The following TMTC1 variants were observed in gnomAD, a reference collection of about 807,000 sequenced individuals.
The protein encoded by TMTC1 is transmembrane O-mannosyltransferase targeting cadherins 1, also known as protein O-mannosyl-transferase TMTC1.
In TMTC1, 73 loss-of-function variants were observed where a neutral mutation model predicts 104.8. The observed-to-expected ratio is 0.70, with a 90% CI of 0.58 to 0.85. The LOEUF (loss-of-function observed/expected upper bound fraction) is 0.85, where lower values mean the gene tolerates loss of function less well. TMTC1 is among the 40% of genes least tolerant of loss of function. The probability of loss-of-function intolerance (pLI) is 0.00; values close to 1 mark genes in which losing one functional copy is unlikely to be tolerated. For synonymous variants in TMTC1, 434 were observed against 428.7 expected (o/e 1.01, Z -0.15); for missense variants, 1,035 against 1,096.1 (o/e 0.94, Z 0.79).
intron 4 of TMTC1, among the ~76,000 whole-genome samples, chr12:29,752,076 C>T (rs1264924075): frequency 6.6e-6 from 1 of 151,842 alleles, no homozygotes; most frequent in Non-Finnish European, 1.5e-5. Flanking sequence ...TAGACCTTAT[C>T]GTATTGACCT....
intron 5 of TMTC1, among the ~76,000 whole-genome samples, chr12:29,668,166 C>G (rs954683577): frequency 6.6e-6 from 1 of 152,224 alleles, no homozygotes; most frequent in Non-Finnish European, 1.5e-5. Context: ...ATACCACAGA[C>G]TGAGTAACTT....
chr12:29,695,793 TTATATA>T lies in TMTC1; in HGVS notation c.938+55867_938+55872del, dbSNP rs113135039. Among the ~76,000 whole-genome samples, 162 of 83,802 alleles carry T rather than the reference TTATATA, an allele frequency of 1.9e-3. 5 individuals are homozygous for T. Among genetic ancestry groups the T allele is most frequent in the South Asian group, 3.4e-3 (9 of 2,646 alleles). The allele number at this position is 83,802 out of a possible 152,430, so 55.0% of individuals were successfully genotyped here. ...TCACAAATTTTAAACTACTTCCTTT[TTATATA>T]TATATATATATATATATATATATAT... On this transcript the variant is annotated intron_variant, in intron 5 of 17. Transcript: ENST00000539277.
chr12:29,700,684 C>T (rs1474452062), intron 5 of TMTC1, among the ~76,000 whole-genome samples: 1 of 152,104 alleles, frequency 6.6e-6, no homozygotes, highest in African/African-American at 2.4e-5. Flanking sequence ...TCAAAAAGTG[C>T]TCACTAAATT....
intron 4 of TMTC1, among the ~76,000 whole-genome samples, chr12:29,752,175 C>T (rs1943108913): frequency 6.6e-6 from 1 of 151,826 alleles, no homozygotes; most frequent in South Asian, 2.1e-4. Context: ...CTTCACCCCT[C>T]ACCCTCCAAA....
chr12:29,740,454 TG>T (rs1329235906), intron 5 of TMTC1, among the ~76,000 whole-genome samples: 1 of 152,198 alleles, frequency 6.6e-6, no homozygotes, highest in Non-Finnish European at 1.5e-5. Flanking sequence ...TCTCCCATGC[TG>T]GATGCTTCCT....
chr12:29,716,544 A>G (rs917592066), intron 5 of TMTC1, among the ~76,000 whole-genome samples: 1 of 152,166 alleles, frequency 6.6e-6, no homozygotes, highest in African/African-American at 2.4e-5. Context: ...TTTAATATTT[A>G]GAGCCTAAGG....
chr12:29,712,857 C>T (rs571594570), intron 5 of TMTC1, among the ~76,000 whole-genome samples: 2 of 152,272 alleles, frequency 1.3e-5, no homozygotes, highest in South Asian at 2.1e-4. Flanking sequence ...ATCTACTGGT[C>T]TACCTTCAAC....
intron 10 of TMTC1, among the ~76,000 whole-genome samples, chr12:29,549,134 A>G (rs1047680985): frequency 6.6e-6 from 1 of 150,762 alleles, no homozygotes; most frequent in Admixed American, 6.7e-5. Flanking sequence ...AATAACCCAT[A>G]CCTGTAAACA....
In TMTC1 at chr12:29,592,940, G is replaced by A. The variant is rs1006932682; in HGVS notation, c.1251-9366C>T. ...ACATGTCAAAACCAGGTTACCGTAAGTATAGTAACTTCCTAAGGCCCAGAG... is the reference window on the plus strand; with the variant it reads ...ACATGTCAAAACCAGGTTACCGTAAATATAGTAACTTCCTAAGGCCCAGAG... On this transcript the variant is annotated intron_variant, in intron 7 of 17. Transcript: ENST00000539277. Among the ~76,000 whole-genome samples, 5 of 152,326 alleles carry A rather than the reference G, an allele frequency of 3.3e-5. No homozygotes were observed. The South Asian group carries it at 1.0e-3, about 32-fold the overall frequency.
rs536634441 is a variant in TMTC1 at position 29,551,974 on chromosome 12, A to T, written c.1676+4883T>A. On this transcript the variant is annotated intron_variant, in intron 10 of 17. Coordinates refer to ENST00000539277, the MANE Select transcript of TMTC1 (RefSeq NM_001193451.2). ...CATAAAAGGGGCCAGATATATTTGGATAACACTCAGTGAAGTCTGCTGCTA... is the reference window on the plus strand; with the variant it reads ...CATAAAAGGGGCCAGATATATTTGGTTAACACTCAGTGAAGTCTGCTGCTA... 3.3e-5 allele frequency among the ~76,000 whole-genome samples: 5 copies of T among 152,322 alleles called. No individual in the cohort carries two copies. In the South Asian group the frequency reaches 1.0e-3, roughly 32 times the overall value.
chr12:29,696,694 G>A (rs144411038), intron 5 of TMTC1, among the ~76,000 whole-genome samples: 1 of 152,192 alleles, frequency 6.6e-6, no homozygotes, highest in African/African-American at 2.4e-5. Context: ...TGTTTTCCTA[G>A]GACCATTAAC....
At chr12:29,634,587 C>A (rs1938459703) in intron 5 of TMTC1, among the ~76,000 whole-genome samples, 1 of 152,232 alleles carries the variant, frequency 6.6e-6, no homozygotes, top group African/African-American at 2.4e-5. Context: ...TCGGTGTTCA[C>A]TGCTTCAGCT....
At chr12:29,529,845 C>T (rs1281980436) in intron 11 of TMTC1, 1 of 152,142 alleles carries the variant, frequency 6.6e-6, no homozygotes, top group Non-Finnish European at 1.5e-5. Flanking sequence ...TTTCCTAATC[C>T]TAGATTTTCT....
intron 11 of TMTC1, among the ~76,000 whole-genome samples, chr12:29,527,631 G>A (rs1343178747): frequency 6.6e-6 from 1 of 152,228 alleles, no homozygotes; most frequent in Admixed American, 6.5e-5. Flanking sequence ...GTTAGAAGGT[G>A]TTTTTCCTGA....
In TMTC1 at chr12:29,692,556, G is replaced by A. The variant is rs559359132; in HGVS notation, c.938+59110C>T. The stretch of plus-strand genomic sequence containing the variant: ...CCTTTATACATTACTGGTAGGATAT[G>A]TCAACTGGTACAAGCAGTTTGGAAG... On this transcript the variant is annotated intron_variant, in intron 5 of 17. Coordinates refer to ENST00000539277, the MANE Select transcript of TMTC1 (RefSeq NM_001193451.2). 9.1e-4 allele frequency among the ~76,000 whole-genome samples: 133 copies of A among 145,430 alleles called. 15 individuals carry two copies. Among genetic ancestry groups the A allele is most frequent in the African/African-American group, 3.2e-3 (129 of 39,832 alleles).
At position 29,660,060 on chromosome 12, in the gene TMTC1, A is replaced by C; in HGVS notation, c.939-26724T>G. 1.5e-5 allele frequency: 17 copies of C among 1,156,338 alleles called. No homozygotes were observed. In the South Asian group the frequency reaches 2.3e-4, roughly 16 times the overall value. The allele number at this position is 1,156,338 out of a possible 1,614,324, so 71.6% of individuals were successfully genotyped here. A position where few individuals can be genotyped will look rare whatever the true frequency, so the allele number is the denominator to read the frequency against. ...TTTTGCAGGTGCATTCTGTTCCTCT[A>C]ACAGGGAATGAAGTCAGTCACCCCT... On this transcript the variant is annotated intron_variant, in intron 5 of 17. Coordinates refer to ENST00000539277, the MANE Select transcript of TMTC1 (RefSeq NM_001193451.2).
At chr12:29,546,330 T>C (rs1016193458) in intron 10 of TMTC1, among the ~76,000 whole-genome samples, 3 of 152,176 alleles carry the variant, frequency 2.0e-5, no homozygotes, top group African/African-American at 7.2e-5. Context: ...AGCCCTGCTA[T>C]GCTGGCCGGC....
intron 6 of TMTC1, among the ~76,000 whole-genome samples, chr12:29,616,765 C>T (rs1181917110): frequency 6.7e-6 from 1 of 150,118 alleles, no homozygotes; most frequent in African/African-American, 2.4e-5. Flanking sequence ...AATCACTATA[C>T]ATTTAGAGAA....
chr12:29,554,657 C>T (rs1271581512), intron 10 of TMTC1, among the ~76,000 whole-genome samples: 1 of 151,980 alleles, frequency 6.6e-6, no homozygotes, highest in Non-Finnish European at 1.5e-5. Flanking sequence ...TTGTTTTAGC[C>T]CAGGAGTTTG....
Sources: gnomAD v4.1 joint callset for allele counts (sites outside exome capture counted in the v4.1 genomes callset) on GRCh38, gnomAD v4.1.1 for gene constraint, MANE v1.5 for transcripts, NCBI Gene and HGNC (gene_info 2026-07-23, HGNC 2026-07-21) for gene names.